The following FSTL4 variants were observed in gnomAD, a reference collection of about 807,000 sequenced individuals.
FSTL4 encodes the protein follistatin-related protein 4.
In FSTL4, 28 loss-of-function variants were observed where a neutral mutation model predicts 78.2. The ratio of observed to expected loss-of-function variants is 0.36; its 90% CI spans 0.27 to 0.49. FSTL4 has a LOEUF of 0.49. Ranked by LOEUF, FSTL4 falls within the 20% of genes least tolerant of loss-of-function variation. The pLI is 0.98. For synonymous variants in FSTL4, 422 were observed against 440.5 expected (o/e 0.96, Z 0.53); for missense variants, 922 against 1,084.9 (o/e 0.85, Z 2.11).
At chr5:133,303,392 C>T (rs2126879943) in intron 6 of FSTL4, among the ~76,000 whole-genome samples, 1 of 152,362 alleles carries the variant, frequency 6.6e-6, no homozygotes, top group African/African-American at 2.4e-5. Flanking sequence ...TCTGCTGCTT[C>T]AGGCAGGCAG....
chr5:133,695,935 C>G, the FSTL4 span, among the ~76,000 whole-genome samples: 2 of 152,232 alleles, frequency 1.3e-5, no homozygotes, highest in African/African-American at 4.8e-5. Context: ...GGCTCCGTTC[C>G]TGATCAGGCC....
At chr5:133,590,240 C>A (rs1184237627) in intron 2 of FSTL4, among the ~76,000 whole-genome samples, 1 of 152,118 alleles carries the variant, frequency 6.6e-6, no homozygotes, top group East Asian at 1.9e-4. Flanking sequence ...CAGCCCAGAG[C>A]TCCAGATGAC....
At chr5:133,492,430 C>T (rs1758283406) in intron 3 of FSTL4, among the ~76,000 whole-genome samples, 1 of 152,166 alleles carries the variant, frequency 6.6e-6, no homozygotes, top group Non-Finnish European at 1.5e-5. Flanking sequence ...GTAACCTCTT[C>T]AGTAACCTCT....
intron 12 of FSTL4, 86 bp from the exon 13 acceptor site, chr5:133,217,464 TG>T: frequency 1.6e-6 from 2 of 1,259,386 alleles, no homozygotes; most frequent in South Asian, 2.8e-5. Flanking sequence ...GACCCTCCTC[TG>T]TGCCTTTCTT....
At chr5:133,652,720 A>C in the FSTL4 span, among the ~76,000 whole-genome samples, 11 of 152,346 alleles carry the variant, frequency 7.2e-5, no homozygotes, top group African/African-American at 2.6e-4. Context: ...ACTTGAGAAG[A>C]CTGCGTATTC....
intron 4 of FSTL4, among the ~76,000 whole-genome samples, chr5:133,332,493 G>A (rs902487133): frequency 8.5e-5 from 13 of 152,224 alleles, no homozygotes; most frequent in African/African-American, 2.2e-4. Context: ...ACCTGGGGCC[G>A]GAGAGGCGGA....
the FSTL4 span, among the ~76,000 whole-genome samples, chr5:133,631,459 C>T: frequency 2.2e-3 from 329 of 152,174 alleles, 1 homozygote; most frequent in African/African-American, 7.5e-3. Flanking sequence ...TACCATTTCA[C>T]GCCAGTTAGA....
the FSTL4 span, among the ~76,000 whole-genome samples, chr5:133,619,279 G>A: frequency 6.6e-6 from 1 of 152,138 alleles, no homozygotes; most frequent in African/African-American, 2.4e-5. Context: ...ATGGAGGATG[G>A]TGGAACAGGG....
At chr5:133,217,530 A>C in intron 12 of FSTL4, 152 bp from the exon 13 acceptor site, 1 of 650,856 alleles carries the variant, frequency 1.5e-6, no homozygotes, top group Non-Finnish European at 2.6e-6. Context: ...GCCCTCCAAC[A>C]TCACTGACTT....
At chr5:133,427,153 C>A (rs921430263) in intron 3 of FSTL4, among the ~76,000 whole-genome samples, 4 of 152,142 alleles carry the variant, frequency 2.6e-5, no homozygotes, top group Non-Finnish European at 5.9e-5. Context: ...TGACCTTGGA[C>A]CAGCCACATA....
the FSTL4 span, among the ~76,000 whole-genome samples, chr5:133,838,300 A>T: frequency 7.4e-4 from 113 of 152,344 alleles, 1 homozygote; most frequent in Non-Finnish European, 1.4e-3. Flanking sequence ...GTTGTATTCC[A>T]ATTACTATGG....
chr5:133,206,410 C>T (rs1167581218), intron 14 of FSTL4, among the ~76,000 whole-genome samples: 1 of 152,162 alleles, frequency 6.6e-6, no homozygotes, highest in Non-Finnish European at 1.5e-5. Flanking sequence ...GGCTGGAATG[C>T]AGTGACACGA....
At chr5:133,686,369 G>A in the FSTL4 span, among the ~76,000 whole-genome samples, 1 of 152,194 alleles carries the variant, frequency 6.6e-6, no homozygotes, top group African/African-American at 2.4e-5. Flanking sequence ...ATGAGGTAGT[G>A]TTACATGAGG....
the FSTL4 span, among the ~76,000 whole-genome samples, chr5:133,695,388 C>T: frequency 3.9e-4 from 60 of 152,272 alleles, no homozygotes; most frequent in African/African-American, 1.4e-3. Context: ...AAGAGAACTC[C>T]ACATGTCAAA....
At chr5:133,741,633 C>A in the FSTL4 span, among the ~76,000 whole-genome samples, 2 of 152,178 alleles carry the variant, frequency 1.3e-5, no homozygotes, top group Non-Finnish European at 2.9e-5. Context: ...AGCCAGAAAG[C>A]CCTAAGAGAA....
At chr5:133,559,538 T>A (rs1759869041) in intron 3 of FSTL4, among the ~76,000 whole-genome samples, 1 of 152,136 alleles carries the variant, frequency 6.6e-6, no homozygotes, top group South Asian at 2.1e-4. Context: ...TGTCTTTTGG[T>A]CCTTAGGAAT....
intron 6 of FSTL4, among the ~76,000 whole-genome samples, chr5:133,267,976 T>A (rs1752682602): frequency 6.6e-6 from 1 of 152,156 alleles, no homozygotes. Flanking sequence ...TCTGGAGGAA[T>A]TTGCTTTCAA....
chr5:133,789,662 C>T, the FSTL4 span, among the ~76,000 whole-genome samples: 2 of 152,188 alleles, frequency 1.3e-5, no homozygotes, highest in African/African-American at 4.8e-5. Context: ...GCTTAAACAT[C>T]AGATGTTTAT....
At chr5:133,486,572 A>G (rs1191779501) in intron 3 of FSTL4, among the ~76,000 whole-genome samples, 4 of 152,334 alleles carry the variant, frequency 2.6e-5, no homozygotes, top group Middle Eastern at 3.4e-3. Flanking sequence ...GTGTTTCCCT[A>G]TGAAAAATCC....
Sources: allele counts gnomAD v4.1 joint callset (sites outside exome capture counted in the v4.1 genomes callset), GRCh38; gene constraint gnomAD v4.1.1; transcripts MANE v1.5; gene names NCBI Gene and HGNC (gene_info 2026-07-23, HGNC 2026-07-21).